Variants in STAP1 observed in about 807,000 individuals in gnomAD.
STAP1 encodes signal-transducing adaptor protein 1.
Under a neutral mutation model 37.8 loss-of-function variants are expected in STAP1, and 30 were observed. The ratio of observed to expected loss-of-function variants is 0.79; its 90% CI spans 0.59 to 1.08. The LOEUF (loss-of-function observed/expected upper bound fraction) is 1.08. STAP1 is among the 50% of genes least tolerant of loss of function. The pLI is 0.00. For synonymous variants in STAP1, 130 were observed against 116.0 expected (o/e 1.12, Z -0.78); for missense variants, 357 against 349.4 (o/e 1.02, Z -0.17).
rs556801198 is a variant in STAP1 at position 67,601,846 on chromosome 4, T to G, written c.827-4450T>G. ...TAGTCTTCTTTGAGTGAAATCTGCT[T>G]GGTGTTCTATAACCTTTTGTACTTG... On this transcript the variant is annotated intron_variant, in intron 8 of 8. Transcript: ENST00000265404. 2.6e-5 allele frequency among the ~76,000 whole-genome samples: 4 copies of G among 152,308 alleles called. No homozygotes were observed. The South Asian group carries it at 8.3e-4, about 32-fold the overall frequency.
rs1553900082 is a variant in STAP1, at chr4:67,560,643, G to GGTGT, written c.120+1719_120+1722dup. ...ATAGTAAAGTATCTTTGTGTGTGTG[G>GGTGT]GTGTGTGTCTGTGTGTGTGTGTGTG... On this transcript the variant is annotated intron_variant, in intron 1 of 8. Transcript: ENST00000265404. Among the ~76,000 whole-genome samples the GGTGT allele has an allele frequency of 1.1e-3, 161 of 149,606 alleles. 1 individual carries two copies. The highest frequency in any genetic ancestry group is 3.1e-3 in the African/African-American group (125 of 40,686).
chr4:67,588,906 T>G (rs1252160682), intron 6 of STAP1, among the ~76,000 whole-genome samples: 1 of 152,166 alleles, frequency 6.6e-6, no homozygotes, highest in Admixed American at 6.5e-5. Flanking sequence ...ATTTAAGAAG[T>G]AGTAAAAATG....
chr4:67,575,556 C>T (rs1203999424), intron 3 of STAP1, 58 bp downstream of exon 3: 3 of 1,203,088 alleles, frequency 2.5e-6, no homozygotes, highest in African/African-American at 1.5e-5. Context: ...ACATTCTTCA[C>T]ATCCAGTGGC....
At chr4:67,595,372 C>CA (rs34185676) in intron 8 of STAP1, among the ~76,000 whole-genome samples, 2,593 of 87,640 alleles carry the variant, frequency 0.03, 151 homozygotes, top group Non-Finnish European at 0.035. Context: ...TTCGTTTCTA[C>CA]AAAAAAAAAA....
intron 7 of STAP1, 106 bp downstream of exon 7, chr4:67,591,059 T>C (rs1728110141): frequency 1.7e-6 from 1 of 605,574 alleles, no homozygotes; most frequent in Admixed American, 3.3e-5. Context: ...ATGTGGCAGA[T>C]ATACAAGGTG....
intron 6 of STAP1, among the ~76,000 whole-genome samples, chr4:67,590,367 C>G (rs555112991): frequency 6.6e-6 from 1 of 152,142 alleles, no homozygotes; most frequent in South Asian, 2.1e-4. Context: ...AAGTCAGCCC[C>G]AAAGTTAGTG....
At chr4:67,594,942 G>T (rs1577767073) in intron 8 of STAP1, among the ~76,000 whole-genome samples, 1 of 152,064 alleles carries the variant, frequency 6.6e-6, no homozygotes, top group Non-Finnish European at 1.5e-5. Flanking sequence ...AGCTTTTTGT[G>T]TGTGTGCATG....
intron 1 of STAP1, among the ~76,000 whole-genome samples, chr4:67,559,131 A>G (rs1727278581): frequency 6.6e-6 from 1 of 152,194 alleles, no homozygotes; most frequent in Admixed American, 6.5e-5. Context: ...CACATATATA[A>G]TATGTATAAT....
chr4:67,573,922 A>G (rs1369771365), intron 2 of STAP1, among the ~76,000 whole-genome samples: 1 of 152,086 alleles, frequency 6.6e-6, no homozygotes, highest in African/African-American at 2.4e-5. Context: ...TAAAAACCCT[A>G]CTATACTTAC....
intron 6 of STAP1, among the ~76,000 whole-genome samples, chr4:67,589,230 G>A (rs931056358): frequency 6.6e-6 from 1 of 152,196 alleles, no homozygotes; most frequent in African/African-American, 2.4e-5. Flanking sequence ...ACCCTGAAAA[G>A]GTGCTGTATG....
At chr4:67,567,950 T>C (rs1356318214) in intron 1 of STAP1, among the ~76,000 whole-genome samples, 1 of 152,224 alleles carries the variant, frequency 6.6e-6, no homozygotes, top group Non-Finnish European at 1.5e-5. Context: ...TTTAGTCCAC[T>C]AAGTTATAGG....
intron 6 of STAP1, among the ~76,000 whole-genome samples, chr4:67,588,920 A>G (rs768430013): frequency 1.3e-5 from 2 of 152,326 alleles, no homozygotes; most frequent in Middle Eastern, 3.4e-3. Context: ...AAAAATGGTT[A>G]TAATTTACTG....
At chr4:67,563,864 G>A (rs1244753032) in intron 1 of STAP1, among the ~76,000 whole-genome samples, 1 of 151,074 alleles carries the variant, frequency 6.6e-6, no homozygotes, top group Non-Finnish European at 1.5e-5. Context: ...AGGTTTCCTA[G>A]TTAAGCTAGT....
chr4:67,601,907 C>G (rs1425219576), intron 8 of STAP1, among the ~76,000 whole-genome samples: 1 of 152,092 alleles, frequency 6.6e-6, no homozygotes, highest in Non-Finnish European at 1.5e-5. Flanking sequence ...GGAAAGTTCT[C>G]TGTTATTCCT....
At chr4:67,591,723 A>G (rs1409427619) in intron 7 of STAP1, among the ~76,000 whole-genome samples, 1 of 152,186 alleles carries the variant, frequency 6.6e-6, no homozygotes, top group Non-Finnish European at 1.5e-5. Context: ...GTGTTGATCA[A>G]GTAGAAAAAG....
At chr4:67,575,907 GAA>G (rs1469109827) in intron 3 of STAP1, among the ~76,000 whole-genome samples, 1 of 152,168 alleles carries the variant, frequency 6.6e-6, no homozygotes, top group East Asian at 1.9e-4. Context: ...GCACTGGTCT[GAA>G]CTTCCGTGTA....
Position 67,590,407 on chromosome 4 carries a change from G to A in STAP1, c.660-477G>A, listed in dbSNP as rs187997384. On this transcript the variant is annotated intron_variant, in intron 6 of 8. Coordinates refer to ENST00000265404, the MANE Select transcript of STAP1 (RefSeq NM_012108.4). ...TCCAGGGTGGTATATGAGCTAATATGAATAACAGCTATTGAGGGGTTTCTG... is the reference window on the plus strand; with the variant it reads ...TCCAGGGTGGTATATGAGCTAATATAAATAACAGCTATTGAGGGGTTTCTG... Among the ~76,000 whole-genome samples, 13 of 152,284 alleles carry A rather than the reference G, an allele frequency of 8.5e-5. No homozygotes were observed. The East Asian group carries it at 2.3e-3, about 27-fold the overall frequency.
At chr4:67,597,776 C>A (rs1316225379) in intron 8 of STAP1, among the ~76,000 whole-genome samples, 4 of 152,170 alleles carry the variant, frequency 2.6e-5, no homozygotes, top group Non-Finnish European at 5.9e-5. Flanking sequence ...TGGCCAATTT[C>A]TCCCATTTTG....
chr4:67,589,715 C>T (rs143139279), intron 6 of STAP1, among the ~76,000 whole-genome samples: 1 of 152,286 alleles, frequency 6.6e-6, no homozygotes, highest in East Asian at 1.9e-4. Flanking sequence ...CAAACATACT[C>T]TGGTTCAAAA....
Sources: allele counts gnomAD v4.1 joint callset (sites outside exome capture counted in the v4.1 genomes callset), GRCh38; gene constraint gnomAD v4.1.1; transcripts MANE v1.5; gene names NCBI Gene and HGNC (gene_info 2026-07-23, HGNC 2026-07-21).